The following ZDHHC21 variants were observed in gnomAD, a reference collection of about 807,000 sequenced individuals.
The protein encoded by ZDHHC21 is palmitoyltransferase ZDHHC21.
In ZDHHC21, 15 loss-of-function variants were observed where a neutral mutation model predicts 34.6. The observed-to-expected ratio is 0.43, with a 90% confidence interval of 0.29 to 0.67. ZDHHC21 has a LOEUF of 0.67. Among genes scored for constraint, ZDHHC21 ranks in the 30% least tolerant of loss-of-function variants. The pLI is 0.14. For synonymous variants in ZDHHC21, 142 were observed against 101.8 expected (o/e 1.40, Z -2.38); for missense variants, 344 against 327.7 (o/e 1.05, Z -0.38).
At chr9:14,671,993 C>T (rs1184042098) in intron 5 of ZDHHC21, among the ~76,000 whole-genome samples, 1 of 151,990 alleles carries the variant, frequency 6.6e-6, no homozygotes, top group East Asian at 1.9e-4. Flanking sequence ...CATCTATATG[C>T]TCAAAAGTTT....
intron 3 of ZDHHC21, among the ~76,000 whole-genome samples, chr9:14,676,483 G>C (rs1423390932): frequency 6.6e-6 from 1 of 151,824 alleles, no homozygotes; most frequent in Admixed American, 6.6e-5. Context: ...CCTAGTTCCT[G>C]CAAATATTGG....
intron 8 of ZDHHC21, among the ~76,000 whole-genome samples, chr9:14,624,275 T>C (rs1192405084): frequency 6.6e-6 from 1 of 152,116 alleles, no homozygotes; most frequent in Non-Finnish European, 1.5e-5. Flanking sequence ...GGAGCCTCAA[T>C]GGATTCCGAT....
chr9:14,609,983 T>A (rs1003158629), downstream of ZDHHC21, among the ~76,000 whole-genome samples: 2 of 152,088 alleles, frequency 1.3e-5, no homozygotes, highest in Admixed American at 1.3e-4. Context: ...CTTTCTTCTA[T>A]GAAGGCAGAC....
chr9:14,623,011 C>G (rs1314770664), intron 8 of ZDHHC21, among the ~76,000 whole-genome samples: 1 of 152,042 alleles, frequency 6.6e-6, no homozygotes, highest in African/African-American at 2.4e-5. Context: ...CTGTTCTATA[C>G]ACACAATCTA....
chr9:14,677,511 T>A (rs1205088125), intron 3 of ZDHHC21: 1 of 151,986 alleles, frequency 6.6e-6, no homozygotes, highest in Non-Finnish European at 1.5e-5. Context: ...CTGAACACAA[T>A]GCTGTTACTC....
At chr9:14,656,420 A>T (rs1462961804) in intron 7 of ZDHHC21, among the ~76,000 whole-genome samples, 1 of 151,986 alleles carries the variant, frequency 6.6e-6, no homozygotes, top group Admixed American at 6.5e-5. Context: ...CTAACTTGAT[A>T]ATATGTATGA....
chr9:14,632,487 T>C (rs1046239801), intron 8 of ZDHHC21, among the ~76,000 whole-genome samples: 1 of 151,654 alleles, frequency 6.6e-6, no homozygotes, highest in African/African-American at 2.4e-5. Context: ...GCTAAAACAA[T>C]AAAACCCTTA....
At chr9:14,670,829 G>C (rs1199605128) in intron 5 of ZDHHC21, among the ~76,000 whole-genome samples, 6 of 151,908 alleles carry the variant, frequency 3.9e-5, no homozygotes, top group Non-Finnish European at 8.8e-5. Flanking sequence ...CATCTAGAAG[G>C]TGCTTTTGCC....
the ZDHHC21 span, among the ~76,000 whole-genome samples, chr9:14,599,564 T>C: frequency 2.6e-5 from 4 of 151,854 alleles, no homozygotes; most frequent in Admixed American, 6.6e-5. Flanking sequence ...TTTTTTTTTT[T>C]CCCATACCCC....
At chr9:14,660,480 A>T (rs111610358) in intron 6 of ZDHHC21, among the ~76,000 whole-genome samples, 4,893 of 152,060 alleles carry the variant, frequency 0.032, 266 homozygotes, top group African/African-American at 0.11. Context: ...GCAGTTAAGT[A>T]GTGCAATTTC....
chr9:14,620,192 T>C (rs1238366673), intron 8 of ZDHHC21, among the ~76,000 whole-genome samples: 1 of 152,020 alleles, frequency 6.6e-6, no homozygotes, highest in Admixed American at 6.6e-5. Flanking sequence ...TTCTGAAAAC[T>C]AAACTGACCA....
At chr9:14,658,549 C>T (rs1419324752) in intron 7 of ZDHHC21, among the ~76,000 whole-genome samples, 200 bp downstream of exon 7, 1 of 135,878 alleles carries the variant, frequency 7.4e-6, no homozygotes, top group Non-Finnish European at 1.5e-5. Context: ...CGGCTCACTG[C>T]AGGCTCCGCC....
intron 6 of ZDHHC21, 51 bp from the exon 7 acceptor site, chr9:14,658,938 A>G: frequency 6.4e-7 from 1 of 1,560,888 alleles, no homozygotes; most frequent in Middle Eastern, 1.8e-4. Context: ...CAAGAAGTTC[A>G]CCTCAGGATC....
At chr9:14,644,739 A>G (rs4740583) in intron 7 of ZDHHC21, among the ~76,000 whole-genome samples, 41,410 of 151,658 alleles carry the variant, frequency 0.27, 6,369 homozygotes, top group East Asian at 0.35. Context: ...ACTCAATTTG[A>G]TCAGGTTGCT....
intron 7 of ZDHHC21, among the ~76,000 whole-genome samples, chr9:14,646,169 A>G (rs193028223): frequency 4.0e-4 from 61 of 152,266 alleles, no homozygotes; most frequent in African/African-American, 1.3e-3. Context: ...AACAGAACGA[A>G]TAAATGGCTT....
At chr9:14,622,380 T>C (rs1397855038) in intron 8 of ZDHHC21, among the ~76,000 whole-genome samples, 2 of 149,770 alleles carry the variant, frequency 1.3e-5, no homozygotes, top group East Asian at 4.0e-4. Context: ...TACCACTGTA[T>C]CCTAAGTAGT....
intron 1 of ZDHHC21, among the ~76,000 whole-genome samples, chr9:14,692,917 C>A (rs1425154145): frequency 1.3e-5 from 2 of 151,946 alleles, no homozygotes; most frequent in Admixed American, 6.5e-5. Context: ...AAATAAATAA[C>A]TAGCCAACAT....
chr9:14,658,038 A>G (rs1019622122), intron 7 of ZDHHC21, among the ~76,000 whole-genome samples: 2 of 152,218 alleles, frequency 1.3e-5, no homozygotes, highest in Admixed American at 6.5e-5. Flanking sequence ...CAAATTCATG[A>G]TATCATTACT....
At position 14,617,886 on chromosome 9, in the gene ZDHHC21, CAA is replaced by C. The variant is rs1824542750; in HGVS notation, c.*1078_*1079del. ...TTTTAATTTAGGGATTATAGGTACA[CAA>C]AGTTAGTGACTTTTTTTAGTAGTAG... On this transcript the variant is annotated 3_prime_UTR_variant, in exon 10 of 10. Coordinates refer to ENST00000380916, the MANE Select transcript of ZDHHC21 (RefSeq NM_178566.6). 6.6e-6 allele frequency: 1 copy of C among 151,846 alleles called. No individual in the cohort carries two copies. Among genetic ancestry groups the C allele is most frequent in the Non-Finnish European group, 1.5e-5 (1 of 67,868 alleles). The allele number at this position is 151,846 out of a possible 1,614,324, so 9.4% of individuals were successfully genotyped here. A position where few individuals can be genotyped will look rare whatever the true frequency, so the allele number is the denominator to read the frequency against.
Sources: allele counts gnomAD v4.1 joint callset (sites outside exome capture counted in the v4.1 genomes callset), GRCh38; gene constraint gnomAD v4.1.1; transcripts MANE v1.5; gene names NCBI Gene and HGNC (gene_info 2026-07-23, HGNC 2026-07-21).